SLC34A3: variants seen among roughly 807,000 people sequenced by gnomAD.
The protein encoded by SLC34A3 is solute carrier family 34 member 3, also known as sodium-dependent phosphate transport protein 2C.
In SLC34A3, 60 loss-of-function variants were observed where a neutral mutation model predicts 43.9. That is an observed-to-expected ratio of 1.37 (90% CI 1.11 to 1.70). The LOEUF (loss-of-function observed/expected upper bound fraction) is 1.70. Ranked by LOEUF, SLC34A3 falls within the 40% of genes most tolerant of loss-of-function variation. The pLI is 0.00. For missense variants in SLC34A3, 969 were observed against 823.8 expected, an observed-to-expected ratio of 1.18 and a Z score of -2.16; for synonymous variants, 451 against 386.2, an observed-to-expected ratio of 1.17 and a Z score of -1.97.
chr9:137,233,448 G>A lies in SLC34A3; in HGVS notation c.756+44G>A, dbSNP rs762142539. 3.1e-5 allele frequency: 49 copies of A among 1,590,058 alleles called. 1 individual carries two copies. The Admixed American group carries it at 6.0e-4, about 19-fold the overall frequency. Reference sequence around the variant, plus strand: ...CCCGCCCAGAGAGCCTGAGCAGGCCGGATGGGAGGAGGGGAGGCCCGCCCT... The same window carrying A: ...CCCGCCCAGAGAGCCTGAGCAGGCCAGATGGGAGGAGGGGAGGCCCGCCCT... On this transcript the variant is annotated intron_variant, in intron 7 of 12. Transcript: ENST00000673835.
At position 137,234,307 on chromosome 9, in the gene SLC34A3, G is replaced by C; in HGVS notation, c.1093+31G>C. 6.2e-7 allele frequency: 1 copy of C among 1,607,252 alleles called. No homozygotes were observed. The highest frequency in any genetic ancestry group is 8.5e-7 in the Non-Finnish European group (1 of 1,179,160). The stretch of plus-strand genomic sequence containing the variant: ...GGCGTGGGAGGAGGTGCGGTGGCCA[G>C]GGCTGACCCAGCATCCCCCATAGAC... On this transcript the variant is annotated intron_variant, in intron 10 of 12. Transcript: ENST00000673835. The surrounding 1 kb of genome is among the most constrained non-coding windows in gnomAD (Gnocchi z 6.9).
intron 8 of SLC34A3, 54 bp from the exon 9 acceptor site, chr9:137,233,807 CCT>C (rs1836398116): frequency 1.3e-6 from 2 of 1,536,670 alleles, no homozygotes; most frequent in African/African-American, 1.4e-5. Context: ...CACCTCGAGC[CCT>C]CTGACCTCTG....
At chr9:137,231,380 G>A (rs1029097654) in intron 1 of SLC34A3, among the ~76,000 whole-genome samples, 5 of 152,148 alleles carry the variant, frequency 3.3e-5, no homozygotes, top group Admixed American at 1.3e-4. Flanking sequence ...CTGCACCCTC[G>A]GCACTAGCCT....
intron 3 of SLC34A3, 62 bp from the exon 4 acceptor site, chr9:137,232,513 C>T: frequency 6.2e-7 from 1 of 1,602,134 alleles, no homozygotes; most frequent in Non-Finnish European, 8.5e-7. Flanking sequence ...GAATGAGGGG[C>T]CTGGGAGGGA....
chr9:137,233,843 G>A lies in SLC34A3; in HGVS notation c.847-20G>A. On this transcript the variant is annotated intron_variant, in intron 8 of 12. Coordinates refer to ENST00000673835, the MANE Select transcript of SLC34A3 (RefSeq NM_001177316.2). ...TGTCTGCCCACTGAGCCTGTCCTGA[G>A]TCCTCCCTGCCCTCCCCAGACCCAG... is the stretch of plus-strand genomic sequence containing the variant. 1 of 1,594,232 alleles carries A rather than the reference G, an allele frequency of 6.3e-7. No individual in the cohort carries two copies. Among genetic ancestry groups the A allele is most frequent in the Non-Finnish European group, 8.5e-7 (1 of 1,174,120 alleles).
intron 7 of SLC34A3, 66 bp from the exon 8 acceptor site, chr9:137,233,567 C>T (rs1205965186): frequency 2.5e-5 from 40 of 1,571,844 alleles, no homozygotes; most frequent in South Asian, 1.4e-4. Context: ...ACCCCGCGGG[C>T]GCCAGAGCCC....
In SLC34A3 at chr9:137,232,884, C is replaced by T. The variant is rs1218997188; in HGVS notation, c.405C>T (p.Ser135=). ...GVLVTALVQS[S]STSSSIVVSM... ...TGGTCACAGCCCTGGTGCAGAGTTC[C>T]AGCACGTCCTCCTCCATCGTGGTCA... Residue 135 remains serine, a synonymous_variant, in exon 5 of 13, where the codon TCC becomes TCT. Transcript: ENST00000673835. The T allele has an allele frequency of 2.5e-6, 4 of 1,611,062 alleles. No homozygotes were observed. The highest frequency in any genetic ancestry group is 8.5e-7 in the Non-Finnish European group (1 of 1,179,194).
rs1187226597 is a variant in SLC34A3, at chr9:137,232,801, ATCT to A, written c.325_327del (p.Phe109del). 6.2e-7 allele frequency: 1 copy of A among 1,612,988 alleles called. No individual in the cohort carries two copies. Among genetic ancestry groups the A allele is most frequent in the Non-Finnish European group, 8.5e-7 (1 of 1,180,018 alleles). On this transcript the variant is annotated inframe_deletion, in exon 5 of 13. Transcript: ENST00000673835. The stretch of plus-strand genomic sequence containing the variant: ...CGGTGTAGGCAAAGTGGCCGGAGAC[ATCT>A]TCAAGGACAACGTGGTGCTGTCCAA...
In SLC34A3 at chr9:137,233,258, C is replaced by T. The variant is rs765064124; in HGVS notation, c.610C>T (p.Leu204=). The T allele has an allele frequency of 1.3e-6, 2 of 1,580,108 alleles. No homozygotes were observed. Among genetic ancestry groups the T allele is most frequent in the Admixed American group, 1.8e-5 (1 of 56,012 alleles). The change falls in exon 7 of 13, where the codon CTG becomes TTG. Residue 204 remains leucine (L), a synonymous_variant. Coordinates refer to ENST00000673835, the MANE Select transcript of SLC34A3 (RefSeq NM_001177316.2). ...CGGGATCTTCAACTGGCTCACAGTGCTGGTCCTGCTGCCACTGGAGAGCGC... is the reference window on the plus strand; with the variant it reads ...CGGGATCTTCAACTGGCTCACAGTGTTGGTCCTGCTGCCACTGGAGAGCGC... ...VHGIFNWLTV[L]VLLPLESATA...
chr9:137,234,758 G>C lies in SLC34A3; in HGVS notation c.1335+27G>C. 6.2e-7 allele frequency: 1 copy of C among 1,602,892 alleles called. No homozygotes were observed. The highest frequency in any genetic ancestry group is 8.5e-7 in the Non-Finnish European group (1 of 1,179,722). On this transcript the variant is annotated intron_variant, in intron 12 of 12. Coordinates refer to ENST00000673835, the MANE Select transcript of SLC34A3 (RefSeq NM_001177316.2). The surrounding 1 kb of genome is among the most constrained non-coding windows in gnomAD (Gnocchi z 6.9). ...TACTGTCCACCCTGCCCCGCTGCCA[G>C]AACTGGCCAGCTTCCTCTCAGCCCC...
Position 137,234,336 on chromosome 9 carries a change from C to T in SLC34A3, c.1093+60C>T. The T allele has an allele frequency of 6.2e-7, 1 of 1,602,276 alleles. No individual in the cohort carries two copies. The highest frequency in any genetic ancestry group is 2.2e-5 in the East Asian group (1 of 44,808). ...TGACCCAGCATCCCCCATAGACTTC[C>T]CCTTCCCACCAGGCTGACTCGGGGG... On this transcript the variant is annotated intron_variant, in intron 10 of 12. Coordinates refer to ENST00000673835, the MANE Select transcript of SLC34A3 (RefSeq NM_001177316.2). The surrounding 1 kb of genome is among the most constrained non-coding windows in gnomAD (Gnocchi z 6.9).
At position 137,232,728 on chromosome 9, in the gene SLC34A3, G is replaced by A. The variant is rs746709828; in HGVS notation, c.304+25G>A. ...AGTGAGTGACGGGACGGGTGCCCAG[G>A]GCGGGGCGGGCAACCAGCCCTCCGC... is the stretch of plus-strand genomic sequence containing the variant. On this transcript the variant is annotated intron_variant, in intron 4 of 12. Coordinates refer to ENST00000673835, the MANE Select transcript of SLC34A3 (RefSeq NM_001177316.2). 6 of 1,612,886 alleles carry A rather than the reference G, an allele frequency of 3.7e-6. No individual in the cohort carries two copies. In the Admixed American group the frequency reaches 5.0e-5, roughly 13 times the overall value.
chr9:137,233,647 GATC>G lies in SLC34A3; in HGVS notation c.774_776del (p.Ile258del). ...CTGGCCCCCAGTTGGACTCCGACAT[GATC>G]ATGAGCAGTGCCACAGGCAACGCCA... On this transcript the variant is annotated inframe_deletion, in exon 8 of 13. Coordinates refer to ENST00000673835, the MANE Select transcript of SLC34A3 (RefSeq NM_001177316.2). The G allele has an allele frequency of 6.2e-7, 1 of 1,612,628 alleles. No individual in the cohort carries two copies. The highest frequency in any genetic ancestry group is 1.1e-5 in the South Asian group (1 of 91,084).
Position 137,236,152 on chromosome 9 carries a change from G to A in SLC34A3, c.1536G>A (p.Met512Ile), listed in dbSNP as rs780493146. 8.1e-6 allele frequency: 13 copies of A among 1,609,916 alleles called. No individual in the cohort carries two copies. Residue 512 changes from methionine (M) to isoleucine (I), a missense_variant, in exon 13 of 13, where the codon ATG (methionine) becomes ATA (isoleucine). Physicochemically the swap from Met to Ile is conservative, Grantham distance 10. Transcript: ENST00000673835. ...TCGGGCTCTCCCTGGCAGGGGGCAT[G>A]GAGCTGGCCGCTGTCGGGGGTCCCC... ...AAFGLSLAGGMELAAVGGPLV... is the reference protein window; with the variant it reads ...AAFGLSLAGGIELAAVGGPLV...
At chr9:137,232,731 G>C (rs138218664) in intron 4 of SLC34A3, 28 bp downstream of exon 4, 29 of 1,612,770 alleles carry the variant, frequency 1.8e-5, no homozygotes, top group Non-Finnish European at 2.2e-5. Context: ...TGCCCAGGGC[G>C]GGGCGGGCAA....
chr9:137,230,513 G>A (rs151127924), upstream of SLC34A3, among the ~76,000 whole-genome samples: 214 of 152,350 alleles, frequency 1.4e-3, 2 homozygotes, highest in East Asian at 0.032. Flanking sequence ...GCCCTGAGGT[G>A]CATGGAAGTG....
chr9:137,236,045 T>G lies in SLC34A3; in HGVS notation c.1429T>G (p.Phe477Val), dbSNP rs779717562. ...GCTGCCCATCCCGCTGGCCAGGCAC[T>G]TCGGGGTGGTGACCGCCCGTTACCG... ...LRLPIPLARH[F>V]GVVTARYRWV... The change falls in exon 13 of 13, where the codon TTC (phenylalanine) becomes GTC (valine). Residue 477 changes from phenylalanine (F) to valine (V), a missense_variant. Phe to Val is a conservative substitution (Grantham distance 50). Coordinates refer to ENST00000673835, the MANE Select transcript of SLC34A3 (RefSeq NM_001177316.2). 1.3e-5 allele frequency: 21 copies of G among 1,612,478 alleles called. No homozygotes were observed. The highest frequency in any genetic ancestry group is 1.6e-5 in the Non-Finnish European group (19 of 1,179,856).
At position 137,234,620 on chromosome 9, in the gene SLC34A3, C is replaced by G; in HGVS notation, c.1224C>G (p.Ile408Met). The G allele has an allele frequency of 6.2e-7, 1 of 1,612,434 alleles. No individual in the cohort carries two copies. The highest frequency in any genetic ancestry group is 8.5e-7 in the Non-Finnish European group (1 of 1,179,844). Residue 408 changes from isoleucine (I) to methionine (M), a missense_variant, in exon 12 of 13, where the codon ATC becomes ATG. Coordinates refer to ENST00000673835, the MANE Select transcript of SLC34A3 (RefSeq NM_001177316.2). The surrounding 1 kb of genome is among the most constrained non-coding windows in gnomAD (Gnocchi z 6.9). ...AVVPLMGVGV[I>M]SLDRAYPLLL... ...CAGTTCCCCCAGGGGTCGGGGTGAT[C>G]AGTCTGGACCGGGCGTACCCCCTCT...
chr9:137,233,923 C>A lies in SLC34A3; in HGVS notation c.907C>A (p.Pro303Thr), dbSNP rs760586638. The A allele has an allele frequency of 2.5e-6, 4 of 1,581,202 alleles. No homozygotes were observed. In the Admixed American group the frequency reaches 6.9e-5, roughly 27 times the overall value. The part of the protein sequence containing the change: ...GPCTEKNSTA[P>T]ADRLPCRHLF... The stretch of plus-strand genomic sequence containing the variant: ...GTGCACAGAGAAGAACAGCACAGCC[C>A]CGGCGGACAGGCTGCCCTGTGAGGC... The change falls in exon 9 of 13, where the codon CCG (proline) becomes ACG (threonine). Residue 303 changes from proline to threonine, a missense_variant. Transcript: ENST00000673835.
Sources: allele counts gnomAD v4.1 joint callset (sites outside exome capture counted in the v4.1 genomes callset), GRCh38; gene constraint gnomAD v4.1.1; non-coding constraint Gnocchi (gnomAD v3.1); transcripts MANE v1.5; gene names NCBI Gene and HGNC (gene_info 2026-07-23, HGNC 2026-07-21).